PI4K2B: variants seen among roughly 807,000 people sequenced by gnomAD.
PI4K2B encodes phosphatidylinositol 4-kinase type 2-beta.
In PI4K2B, 46 loss-of-function variants were observed where a neutral mutation model predicts 56.6. The observed-to-expected ratio is 0.81, with a 90% confidence interval of 0.64 to 1.04. The LOEUF is 1.04. PI4K2B is among the 50% of genes least tolerant of loss of function. The pLI, the probability that PI4K2B is intolerant of heterozygous loss-of-function variation, is 0.00. For missense variants in PI4K2B, 556 were observed against 607.7 expected (o/e 0.91, Z 0.89); for synonymous variants, 211 against 223.8 (o/e 0.94, Z 0.51).
intron 3 of PI4K2B, among the ~76,000 whole-genome samples, chr4:25,256,118 A>G (rs1292204368): frequency 6.6e-6 from 1 of 152,136 alleles, no homozygotes; most frequent in Non-Finnish European, 1.5e-5. Context: ...GAATTTCTCC[A>G]TGTTGCCCAG....
intron 6 of PI4K2B, among the ~76,000 whole-genome samples, chr4:25,263,213 G>A (rs1360821553): frequency 1.3e-5 from 2 of 152,088 alleles, no homozygotes; most frequent in South Asian, 2.1e-4. Context: ...GATTTTGGGT[G>A]GGGACACAGC....
At chr4:25,246,965 G>A (rs34634863) in intron 1 of PI4K2B, among the ~76,000 whole-genome samples, 6,720 of 152,308 alleles carry the variant, frequency 0.044, 212 homozygotes, top group East Asian at 0.15. Flanking sequence ...TGCAAGCGCC[G>A]CATGCAGCTC....
At position 25,245,580 on chromosome 4, in the gene PI4K2B, TAGAG is replaced by T. The variant is rs757083524; in HGVS notation, c.269-6738_269-6735del. Among the ~76,000 whole-genome samples, 40 of 152,248 alleles carry T rather than the reference TAGAG, an allele frequency of 2.6e-4. 1 individual carries two copies. The highest frequency in any genetic ancestry group is 8.9e-4 in the African/African-American group (37 of 41,550). On this transcript the variant is annotated intron_variant, in intron 1 of 9. Coordinates refer to ENST00000264864, the MANE Select transcript of PI4K2B (RefSeq NM_018323.4). ...CCAACTCTGAAGAGTCTGGGGTTGT[TAGAG>T]AGCCCTTTCCCAGAAAGCCTGAGAC... is the stretch of plus-strand genomic sequence containing the variant.
chr4:25,248,111 A>T (rs903731349), intron 1 of PI4K2B, among the ~76,000 whole-genome samples: 1 of 152,190 alleles, frequency 6.6e-6, no homozygotes, highest in African/African-American at 2.4e-5. Flanking sequence ...GAAAGAGTTT[A>T]TTTTGATTTA....
At chr4:25,269,228 T>C (rs1363372825) in intron 9 of PI4K2B, 25 bp downstream of exon 9, 2 of 1,316,086 alleles carry the variant, frequency 1.5e-6, no homozygotes, top group Non-Finnish European at 2.2e-6. Context: ...TATTTGTTCA[T>C]AAGGAAAAAA....
chr4:25,252,170 T>G, intron 1 of PI4K2B, 151 bp from the exon 2 acceptor site: 15 of 488,308 alleles, frequency 3.1e-5, no homozygotes, highest in Non-Finnish European at 4.4e-5. Context: ...AAGTGGGGGT[T>G]GTTAGGCAGT....
In PI4K2B at chr4:25,278,205, G is replaced by A. The variant is rs1160955983; in HGVS notation, c.*1018G>A. 1 of 152,044 alleles carries A rather than the reference G, an allele frequency of 6.6e-6. No individual in the cohort carries two copies. Among genetic ancestry groups the A allele is most frequent in the Non-Finnish European group, 1.5e-5 (1 of 67,990 alleles). The allele number at this position is 152,044 out of a possible 1,614,324, so 9.4% of individuals were successfully genotyped here. ...GGGGAGCATGGCAGATAACCATAAA[G>A]TCATTTATATTTGATTTTGAAATGT... On this transcript the variant is annotated 3_prime_UTR_variant, in exon 10 of 10. Transcript: ENST00000264864.
intron 1 of PI4K2B, among the ~76,000 whole-genome samples, chr4:25,235,216 A>G (rs1013854299): frequency 1.3e-5 from 2 of 152,218 alleles, no homozygotes; most frequent in African/African-American, 4.8e-5. Flanking sequence ...ACTCTCAGCT[A>G]GAGGTGAGAC....
chr4:25,252,536 T>G, intron 2 of PI4K2B, 61 bp downstream of exon 2: 1 of 1,019,502 alleles, frequency 9.8e-7, no homozygotes, highest in South Asian at 1.4e-5. Context: ...AATTTAAATA[T>G]GAAATCATTG....
intron 1 of PI4K2B, among the ~76,000 whole-genome samples, chr4:25,247,622 T>G (rs1445579035): frequency 6.6e-6 from 1 of 152,100 alleles, no homozygotes; most frequent in African/African-American, 2.4e-5. Flanking sequence ...TTAGAGAAAG[T>G]GGCATCCAGT....
intron 9 of PI4K2B, among the ~76,000 whole-genome samples, chr4:25,271,550 G>T (rs1441525893): frequency 6.6e-6 from 1 of 152,160 alleles, no homozygotes; most frequent in Non-Finnish European, 1.5e-5. Flanking sequence ...GGTAATTGAG[G>T]CATCAATGGA....
At chr4:25,239,648 T>C (rs1039871886) in intron 1 of PI4K2B, among the ~76,000 whole-genome samples, 1 of 152,174 alleles carries the variant, frequency 6.6e-6, no homozygotes. Flanking sequence ...GGGAGCTGGC[T>C]CTGGCCTCAG....
intron 1 of PI4K2B, among the ~76,000 whole-genome samples, chr4:25,244,763 T>A (rs1456981354): frequency 6.6e-6 from 1 of 152,030 alleles, no homozygotes; most frequent in African/African-American, 2.4e-5. Flanking sequence ...CTGATCGGAA[T>A]AGTTGCGCTC....
intron 9 of PI4K2B, among the ~76,000 whole-genome samples, chr4:25,271,475 G>A (rs576927575): frequency 5.9e-5 from 9 of 152,282 alleles, no homozygotes; most frequent in Non-Finnish European, 1.0e-4. Flanking sequence ...CTGGACAGTA[G>A]GGTACAGATT....
chr4:25,238,686 T>C (rs1310964143), intron 1 of PI4K2B, among the ~76,000 whole-genome samples: 2 of 152,158 alleles, frequency 1.3e-5, no homozygotes, highest in African/African-American at 4.8e-5. Context: ...CCTGGTGGGT[T>C]CCTGGTCTCG....
At chr4:25,269,018 G>T in intron 8 of PI4K2B, 126 bp from the exon 9 acceptor site, 1 of 538,400 alleles carries the variant, frequency 1.9e-6, no homozygotes, top group Non-Finnish European at 3.3e-6. Flanking sequence ...TACTATTTTT[G>T]TTTTATTTTA....
At chr4:25,250,669 T>TTGTA (rs1442904874) in intron 1 of PI4K2B, 1 of 152,212 alleles carries the variant, frequency 6.6e-6, no homozygotes, top group African/African-American at 2.4e-5. Flanking sequence ...TAACCTGCAC[T>TTGTA]TGTACCCTTG....
intron 1 of PI4K2B, among the ~76,000 whole-genome samples, chr4:25,247,498 A>G (rs1715841006): frequency 6.6e-6 from 1 of 152,200 alleles, no homozygotes; most frequent in Non-Finnish European, 1.5e-5. Flanking sequence ...TTATAGCCTA[A>G]TGGAGGAAAC....
chr4:25,235,206 ACT>A (rs1348530555), intron 1 of PI4K2B, among the ~76,000 whole-genome samples: 1 of 152,040 alleles, frequency 6.6e-6, no homozygotes, highest in Non-Finnish European at 1.5e-5. Flanking sequence ...GACTTGTAAG[ACT>A]CTCAGCTAGA....
Sources: allele counts gnomAD v4.1 joint callset (sites outside exome capture counted in the v4.1 genomes callset), GRCh38; gene constraint gnomAD v4.1.1; transcripts MANE v1.5; gene names NCBI Gene and HGNC (gene_info 2026-07-23, HGNC 2026-07-21).